IL7: variants seen among roughly 807,000 people sequenced by gnomAD.
IL7 encodes the protein interleukin-7.
In IL7, 3 loss-of-function variants were observed where a neutral mutation model predicts 21.6. That is an observed-to-expected ratio of 0.14 (90% CI 0.06 to 0.36). IL7 has a LOEUF of 0.36. Ranked by LOEUF, IL7 falls within the 10% of genes least tolerant of loss-of-function variation. The pLI, the probability that IL7 is intolerant of heterozygous loss-of-function variation, is 1.00. For missense variants in IL7, 175 were observed against 200.2 expected, an observed-to-expected ratio of 0.87 and a Z score of 0.76; for synonymous variants, 62 against 68.1, an observed-to-expected ratio of 0.91 and a Z score of 0.44.
chr8:78,772,341 CAT>C (rs1812984713), intron 2 of IL7, among the ~76,000 whole-genome samples: 1 of 152,244 alleles, frequency 6.6e-6, no homozygotes, highest in Admixed American at 6.5e-5. Context: ...GACCACATGA[CAT>C]AGCCTGTAAT....
At chr8:78,730,859 A>G (rs897318174), downstream of IL7, among the ~76,000 whole-genome samples, 2 of 152,042 alleles carry the variant, frequency 1.3e-5, no homozygotes, top group Admixed American at 1.3e-4. Context: ...CTTAAGTGCT[A>G]TGAACAACTA....
chr8:78,760,327 A>G (rs13263805), intron 2 of IL7: 242,453 of 1,511,616 alleles, frequency 0.16, 32,144 homozygotes, highest in African/African-American at 0.55. Context: ...AGACGCTTTC[A>G]TCCATTTTCA....
chr8:78,791,169 C>G (rs1483437567), intron 2 of IL7, among the ~76,000 whole-genome samples: 1 of 152,156 alleles, frequency 6.6e-6, no homozygotes, highest in African/African-American at 2.4e-5. Context: ...TATAGGAAAA[C>G]TATTTCTGTA....
chr8:78,758,434 C>T (rs562941904), intron 2 of IL7, among the ~76,000 whole-genome samples: 1 of 152,002 alleles, frequency 6.6e-6, no homozygotes, highest in Non-Finnish European at 1.5e-5. Context: ...AGTGTATCTG[C>T]TCTACCCGTG....
At chr8:78,753,588 C>T (rs1006272018) in intron 2 of IL7, among the ~76,000 whole-genome samples, 1 of 152,084 alleles carries the variant, frequency 6.6e-6, no homozygotes, top group African/African-American at 2.4e-5. Context: ...AAATAGATAC[C>T]ATTTGTCAAT....
chr8:78,716,413 G>A (rs1037806802), downstream of IL7, among the ~76,000 whole-genome samples: 3 of 151,946 alleles, frequency 2.0e-5, no homozygotes, highest in Non-Finnish European at 2.9e-5. Context: ...GTGAGCCACC[G>A]CACCCGGCCT....
chr8:78,676,625 C>T (rs1809587020), intron 4 of IL7, among the ~76,000 whole-genome samples: 1 of 151,976 alleles, frequency 6.6e-6, no homozygotes, highest in South Asian at 2.1e-4. Flanking sequence ...TGTGCATCCT[C>T]TTACTATTTC....
intron 4 of IL7, among the ~76,000 whole-genome samples, chr8:78,677,003 C>A (rs1809603892): frequency 6.6e-6 from 1 of 151,914 alleles, no homozygotes; most frequent in Non-Finnish European, 1.5e-5. Context: ...TTTAAAAATA[C>A]TTAAGAGCTG....
chr8:78,783,874 A>G (rs1813422990), intron 2 of IL7, among the ~76,000 whole-genome samples: 1 of 152,176 alleles, frequency 6.6e-6, no homozygotes, highest in Admixed American at 6.5e-5. Context: ...TGATAAACCA[A>G]ACTGTCAGAA....
In IL7 at chr8:78,756,876, A is replaced by G. The variant is rs181032910; in HGVS notation, c.148-16794T>C. Among the ~76,000 whole-genome samples, 499 of 151,040 alleles carry G rather than the reference A, an allele frequency of 3.3e-3. 2 individuals carry two copies. The highest frequency in any genetic ancestry group is 6.8e-3 in the Middle Eastern group (2 of 294). The stretch of plus-strand genomic sequence containing the variant: ...TATTATTTAGTTTAGTTTAGCTTTT[A>G]GTTTCTATTTCCTTTTTTTCTGCTC... On this transcript the variant is annotated intron_variant, in intron 2 of 5. Transcript: ENST00000263851.
intron 2 of IL7, among the ~76,000 whole-genome samples, chr8:78,766,652 T>C (rs1294628361): frequency 1.3e-5 from 2 of 152,144 alleles, no homozygotes; most frequent in African/African-American, 4.8e-5. Flanking sequence ...ACTAGAACAA[T>C]TGTTTTATAA....
chr8:78,683,485 C>T (rs1013686793), intron 4 of IL7, among the ~76,000 whole-genome samples: 20 of 152,174 alleles, frequency 1.3e-4, no homozygotes, highest in African/African-American at 4.3e-4. Flanking sequence ...TACCTTGGCC[C>T]CTTTTAGCCA....
exon 5 of IL7, chr8:78,675,808 T>A: frequency 1.9e-6 from 3 of 1,609,762 alleles, no homozygotes; most frequent in Non-Finnish European, 2.5e-6. Context: ...GTTGTCCAAG[T>A]TGGAGAATTG....
chr8:78,777,908 G>C (rs1813186603), intron 2 of IL7, among the ~76,000 whole-genome samples: 1 of 152,028 alleles, frequency 6.6e-6, no homozygotes, highest in Admixed American at 6.6e-5. Context: ...TAAAGATCAA[G>C]TTCACATTCT....
chr8:78,681,897 CTTTCTTTTTTTTTTT>C (rs1237741995), intron 4 of IL7, among the ~76,000 whole-genome samples: 3 of 120,384 alleles, frequency 2.5e-5, no homozygotes, highest in Non-Finnish European at 3.4e-5. Context: ...TTTCCTTTTT[CTTTCTTTTTTTTTTT>C]TTTCTTTTTT....
intron 3 of IL7, chr8:78,686,672 A>C (rs1809986205): frequency 1.5e-6 from 2 of 1,378,248 alleles, no homozygotes; most frequent in Admixed American, 2.8e-5. Flanking sequence ...AGTTTTTATA[A>C]ATTTTCACTT....
At chr8:78,717,442 A>G, downstream of IL7, 1 of 1,608,284 alleles carries the variant, frequency 6.2e-7, no homozygotes, top group Non-Finnish European at 8.5e-7. Flanking sequence ...AATACCCTGT[A>G]GAATGGGCCA....
At chr8:78,770,426 A>G (rs1812911741) in intron 2 of IL7, among the ~76,000 whole-genome samples, 2 of 152,128 alleles carry the variant, frequency 1.3e-5, no homozygotes, top group Admixed American at 6.6e-5. Context: ...CTCTTACTGG[A>G]AGGATGCTTC....
intron 3 of IL7, chr8:78,697,513 A>G (rs1055587327): frequency 6.2e-7 from 1 of 1,600,690 alleles, no homozygotes; most frequent in African/African-American, 1.3e-5. Context: ...GTAGGTAATG[A>G]TAGCCGAAAA....
Sources: allele counts gnomAD v4.1 joint callset (sites outside exome capture counted in the v4.1 genomes callset), GRCh38; gene constraint gnomAD v4.1.1; transcripts MANE v1.5; gene names NCBI Gene and HGNC (gene_info 2026-07-23, HGNC 2026-07-21).